The following PDZD2 variants were observed in gnomAD, a reference collection of about 807,000 sequenced individuals.
PDZD2 encodes PDZ domain containing 2.
Under a neutral mutation model 220.7 loss-of-function variants are expected in PDZD2, and 90 were observed. The ratio of observed to expected loss-of-function variants is 0.41; its 90% CI spans 0.34 to 0.49. PDZD2 has a LOEUF of 0.49. PDZD2 is among the 20% of genes least tolerant of loss of function. The probability of loss-of-function intolerance (pLI) is 0.28; values close to 1 mark genes in which losing one functional copy is unlikely to be tolerated. For missense variants in PDZD2, 3,174 were observed against 3,608.5 expected, an observed-to-expected ratio of 0.88 and a Z score of 3.08; for synonymous variants, 1,375 against 1,450.5, an observed-to-expected ratio of 0.95 and a Z score of 1.18.
intron 1 of PDZD2, among the ~76,000 whole-genome samples, chr5:31,641,499 G>A (rs1744944421): frequency 6.6e-6 from 1 of 151,964 alleles, no homozygotes; most frequent in Non-Finnish European, 1.5e-5. Context: ...GAGGAACTAA[G>A]GACTCAGAGG....
At chr5:31,720,733 T>C (rs1435428593) in intron 1 of PDZD2, among the ~76,000 whole-genome samples, 5 of 152,200 alleles carry the variant, frequency 3.3e-5, no homozygotes, top group Admixed American at 3.3e-4. Flanking sequence ...ACTTGGCCTC[T>C]CTGTGCAGTG....
chr5:31,925,272 A>T (rs953210437), intron 2 of PDZD2, among the ~76,000 whole-genome samples: 3 of 152,162 alleles, frequency 2.0e-5, no homozygotes, highest in Non-Finnish European at 4.4e-5. Flanking sequence ...AGGCACACAA[A>T]CCAATGGAAC....
intron 2 of PDZD2, among the ~76,000 whole-genome samples, chr5:31,870,946 G>A (rs1738738425): frequency 6.7e-6 from 1 of 150,026 alleles, no homozygotes; most frequent in Non-Finnish European, 1.5e-5. Context: ...TTAGATCAAA[G>A]TGAAGAAGAT....
At chr5:31,821,638 C>A (rs531865275) in intron 2 of PDZD2, among the ~76,000 whole-genome samples, 1 of 152,220 alleles carries the variant, frequency 6.6e-6, no homozygotes, top group Admixed American at 6.5e-5. Flanking sequence ...CTCGGCCTCC[C>A]AAAGTGCTGG....
At chr5:31,921,829 G>C (rs1581084664) in intron 2 of PDZD2, among the ~76,000 whole-genome samples, 1 of 152,150 alleles carries the variant, frequency 6.6e-6, no homozygotes, top group African/African-American at 2.4e-5. Flanking sequence ...TAGTTGGTCA[G>C]TGCTGGGAGG....
intron 2 of PDZD2, among the ~76,000 whole-genome samples, chr5:31,955,225 T>A (rs1747554295): frequency 6.6e-6 from 1 of 152,130 alleles, no homozygotes; most frequent in African/African-American, 2.4e-5. Context: ...TGTGACCCTC[T>A]AGAATGCTAG....
chr5:31,892,868 G>C (rs1741181450), intron 2 of PDZD2, among the ~76,000 whole-genome samples: 1 of 152,118 alleles, frequency 6.6e-6, no homozygotes, highest in African/African-American at 2.4e-5. Context: ...ACTGTGCCCA[G>C]CTGGGCCTAG....
At chr5:32,084,374 C>T (rs183893323) in intron 19 of PDZD2, among the ~76,000 whole-genome samples, 6 of 152,330 alleles carry the variant, frequency 3.9e-5, no homozygotes, top group African/African-American at 1.4e-4. Flanking sequence ...TGCTTAACCA[C>T]GCTGTTTCTC....
chr5:32,015,256 T>C (rs1384766081), intron 6 of PDZD2, among the ~76,000 whole-genome samples: 2 of 151,948 alleles, frequency 1.3e-5, no homozygotes, highest in Non-Finnish European at 2.9e-5. Context: ...AATTTCTTTT[T>C]TTCTAGAGAC....
chr5:32,105,143 C>A (rs1744642363), intron 24 of PDZD2, among the ~76,000 whole-genome samples: 1 of 138,344 alleles, frequency 7.2e-6, no homozygotes, highest in Non-Finnish European at 1.6e-5. Flanking sequence ...CAAAAAAAAA[C>A]AATCAATCAA....
intron 2 of PDZD2, among the ~76,000 whole-genome samples, chr5:31,841,169 C>G (rs1757277606): frequency 6.6e-6 from 1 of 151,974 alleles, no homozygotes; most frequent in African/African-American, 2.4e-5. Flanking sequence ...TTACTAATAT[C>G]TGGTCTATTT....
At chr5:31,696,924 G>T (rs569588003) in intron 1 of PDZD2, among the ~76,000 whole-genome samples, 1 of 152,126 alleles carries the variant, frequency 6.6e-6, no homozygotes. Context: ...TCATCTGAAG[G>T]TTCCAGGGTC....
At chr5:31,941,959 G>A (rs543641259) in intron 2 of PDZD2, among the ~76,000 whole-genome samples, 20 of 152,292 alleles carry the variant, frequency 1.3e-4, no homozygotes, top group Non-Finnish European at 2.6e-4. Context: ...TTTTAATTCT[G>A]TGGGTTCTTC....
intron 1 of PDZD2, among the ~76,000 whole-genome samples, chr5:31,760,268 T>G (rs1318288111): frequency 6.6e-6 from 1 of 152,202 alleles, no homozygotes; most frequent in Non-Finnish European, 1.5e-5. Context: ...GCATGCTAGG[T>G]GCTTGAACAA....
At chr5:31,966,263 C>G (rs538981996) in intron 2 of PDZD2, among the ~76,000 whole-genome samples, 36 of 152,288 alleles carry the variant, frequency 2.4e-4, no homozygotes, top group African/African-American at 8.7e-4. Context: ...GCAGTTAACA[C>G]AGTACACAGA....
chr5:31,687,596 G>A (rs1746925237), intron 1 of PDZD2, among the ~76,000 whole-genome samples: 1 of 152,054 alleles, frequency 6.6e-6, no homozygotes, highest in South Asian at 2.1e-4. Context: ...CCACTTCTTG[G>A]TACCAAAATC....
At chr5:32,049,933 G>A (rs1026991889) in intron 8 of PDZD2, among the ~76,000 whole-genome samples, 10 of 152,066 alleles carry the variant, frequency 6.6e-5, no homozygotes, top group South Asian at 2.1e-4. Context: ...CCTGTCAGTC[G>A]TTCTATTTTT....
At chr5:32,039,239 G>T (rs1755822692) in intron 7 of PDZD2, among the ~76,000 whole-genome samples, 1 of 151,826 alleles carries the variant, frequency 6.6e-6, no homozygotes, top group South Asian at 2.1e-4. Flanking sequence ...CCGAGTGCCT[G>T]GGATTCCAGG....
At chr5:32,072,606 C>T (rs1253419259) in intron 17 of PDZD2, among the ~76,000 whole-genome samples, 1 of 152,192 alleles carries the variant, frequency 6.6e-6, no homozygotes, top group African/African-American at 2.4e-5. Flanking sequence ...TGGCACGCGC[C>T]TGTAATCCCA....
Sources: allele counts gnomAD v4.1 joint callset (sites outside exome capture counted in the v4.1 genomes callset), GRCh38; gene constraint gnomAD v4.1.1; transcripts MANE v1.5; gene names NCBI Gene and HGNC (gene_info 2026-07-23, HGNC 2026-07-21).